SH3RF3: variants seen among roughly 807,000 people sequenced by gnomAD.
SH3RF3 encodes SH3 domain containing ring finger 3.
In SH3RF3, 29 loss-of-function variants were observed where a neutral mutation model predicts 66.3. The observed-to-expected ratio is 0.44, with a 90% CI of 0.33 to 0.60. The LOEUF (loss-of-function observed/expected upper bound fraction) is 0.60, where lower values mean the gene tolerates loss of function less well. Ranked by LOEUF, SH3RF3 falls within the 20% of genes least tolerant of loss-of-function variation. The probability of loss-of-function intolerance (pLI) is 0.04; values close to 1 mark genes in which losing one functional copy is unlikely to be tolerated. For missense variants in SH3RF3, 1,194 were observed against 1,190.9 expected (o/e 1.00, Z -0.04); for synonymous variants, 583 against 532.0 (o/e 1.10, Z -1.32).
At chr2:109,298,990 C>T (rs1681392442) in intron 1 of SH3RF3, among the ~76,000 whole-genome samples, 1 of 152,200 alleles carries the variant, frequency 6.6e-6, no homozygotes, top group Non-Finnish European at 1.5e-5. Context: ...CGGCCTGCAC[C>T]AACCCCCACC....
At chr2:109,437,985 C>T (rs1269737166) in intron 7 of SH3RF3, among the ~76,000 whole-genome samples, 1 of 152,206 alleles carries the variant, frequency 6.6e-6, no homozygotes, top group East Asian at 1.9e-4. Flanking sequence ...CACCCCAACC[C>T]TGTCCTCTCA....
intron 1 of SH3RF3, among the ~76,000 whole-genome samples, chr2:109,139,004 G>A (rs750838638): frequency 4.1e-4 from 62 of 152,218 alleles, no homozygotes; most frequent in Non-Finnish European, 7.3e-4. Context: ...AGGGGCCACA[G>A]CCTGATGATG....
intron 1 of SH3RF3, 142 bp downstream of exon 1, chr2:109,130,255 C>A: frequency 1.2e-6 from 1 of 836,924 alleles, no homozygotes; most frequent in Non-Finnish European, 1.6e-6. Context: ...CTTCCTCCAA[C>A]TTCGCTTGCT....
chr2:109,170,766 C>T (rs988684507), intron 1 of SH3RF3, among the ~76,000 whole-genome samples: 2 of 152,312 alleles, frequency 1.3e-5, no homozygotes, highest in Middle Eastern at 6.8e-3. Context: ...TCAAGGGGTG[C>T]GGATGACCCA....
At chr2:109,385,295 G>C (rs6542819) in intron 3 of SH3RF3, among the ~76,000 whole-genome samples, 71,698 of 152,128 alleles carry the variant, frequency 0.47, 17,062 homozygotes, top group Middle Eastern at 0.54. Context: ...AAAGGGAGAA[G>C]TATGTGTTAG....
intron 2 of SH3RF3, among the ~76,000 whole-genome samples, chr2:109,349,265 A>G (rs565663172): frequency 1.2e-4 from 19 of 152,280 alleles, no homozygotes; most frequent in Admixed American, 3.3e-4. Flanking sequence ...GTCTTGTTCT[A>G]TTGTTCAGCC....
At chr2:109,441,132 C>CAAAAAAAAAA (rs55649222) in intron 7 of SH3RF3, among the ~76,000 whole-genome samples, 151 of 134,004 alleles carry the variant, frequency 1.1e-3, no homozygotes, top group African/African-American at 2.7e-3. Flanking sequence ...TATAGGAATA[C>CAAAAAAAAAA]AAAAAAAAAA....
At chr2:109,465,833 AACTC>A (rs142495412) in intron 8 of SH3RF3, among the ~76,000 whole-genome samples, 1,709 of 152,184 alleles carry the variant, frequency 0.011, 25 homozygotes, top group African/African-American at 0.038. Flanking sequence ...GTCTCATGAG[AACTC>A]ACTCACTGTC....
intron 2 of SH3RF3, among the ~76,000 whole-genome samples, chr2:109,357,182 T>C (rs997364521): frequency 6.6e-6 from 1 of 150,432 alleles, no homozygotes; most frequent in African/African-American, 2.5e-5. Flanking sequence ...TTGTTTTTTG[T>C]TTTTTGGTTT....
chr2:109,421,045 C>T (rs1676863230), intron 5 of SH3RF3, among the ~76,000 whole-genome samples: 1 of 152,210 alleles, frequency 6.6e-6, no homozygotes, highest in African/African-American at 2.4e-5. Context: ...ATACTACCTC[C>T]ATCTCCTGCC....
intron 1 of SH3RF3, among the ~76,000 whole-genome samples, chr2:109,333,215 G>A (rs1481359826): frequency 6.6e-6 from 1 of 152,226 alleles, no homozygotes; most frequent in Non-Finnish European, 1.5e-5. Context: ...GTATCTATCA[G>A]GTTCAGGCAT....
At chr2:109,442,378 G>A (rs1481922435) in intron 7 of SH3RF3, among the ~76,000 whole-genome samples, 1 of 151,546 alleles carries the variant, frequency 6.6e-6, no homozygotes, top group Non-Finnish European at 1.5e-5. Context: ...TAGAAAGAAG[G>A]CAGATGATAC....
chr2:109,245,688 C>T (rs1209529029), intron 1 of SH3RF3, among the ~76,000 whole-genome samples: 1 of 152,120 alleles, frequency 6.6e-6, no homozygotes, highest in Admixed American at 6.5e-5. Flanking sequence ...GTTAAGATTT[C>T]TCTCTGAAAT....
chr2:109,476,837 C>T (rs150517287), intron 8 of SH3RF3, among the ~76,000 whole-genome samples: 2 of 152,290 alleles, frequency 1.3e-5, no homozygotes, highest in African/African-American at 2.4e-5. Context: ...ATTATTCACA[C>T]CTCCCCTTAT....
chr2:109,298,354 C>A (rs968720838), intron 1 of SH3RF3, among the ~76,000 whole-genome samples: 1 of 152,068 alleles, frequency 6.6e-6, no homozygotes, highest in Non-Finnish European at 1.5e-5. Flanking sequence ...AGTTCTGGAG[C>A]CTGGTTCAGT....
At chr2:109,231,309 G>A (rs115321717) in intron 1 of SH3RF3, among the ~76,000 whole-genome samples, 1 of 152,364 alleles carries the variant, frequency 6.6e-6, no homozygotes, top group Non-Finnish European at 1.5e-5. Flanking sequence ...GTGAGCTAAT[G>A]CGATGACATT....
At chr2:109,316,820 C>T (rs1403662711) in intron 1 of SH3RF3, among the ~76,000 whole-genome samples, 1 of 152,212 alleles carries the variant, frequency 6.6e-6, no homozygotes, top group Non-Finnish European at 1.5e-5. Flanking sequence ...TCCCTGGCCT[C>T]ACCCTCTGGC....
intron 3 of SH3RF3, among the ~76,000 whole-genome samples, chr2:109,393,899 A>G (rs1276990850): frequency 1.3e-5 from 2 of 151,712 alleles, no homozygotes; most frequent in Non-Finnish European, 2.9e-5. Context: ...AAAAAAACAA[A>G]GTCTCCTCAG....
intron 9 of SH3RF3, among the ~76,000 whole-genome samples, chr2:109,492,324 C>T (rs529043521): frequency 1.8e-4 from 27 of 152,318 alleles, no homozygotes; most frequent in Admixed American, 9.8e-4. Flanking sequence ...TGATGCCTAG[C>T]GCCAAGCCTA....
Sources: allele counts gnomAD v4.1 joint callset (sites outside exome capture counted in the v4.1 genomes callset), GRCh38; gene constraint gnomAD v4.1.1; transcripts MANE v1.5; gene names NCBI Gene and HGNC (gene_info 2026-07-23, HGNC 2026-07-21).